The following SLC7A14 variants were observed in gnomAD, a reference collection of about 807,000 sequenced individuals.
SLC7A14 encodes the protein gamma-aminobutyric acid transporter SLC7A14.
SLC7A14 carries 37 observed loss-of-function variants against 60.2 expected under a neutral mutation model. The ratio of observed to expected loss-of-function variants is 0.61; its 90% CI spans 0.47 to 0.81. SLC7A14 has a LOEUF of 0.81. Among genes scored for constraint, SLC7A14 ranks in the 30% least tolerant of loss-of-function variants. The probability of loss-of-function intolerance (pLI) is 0.00; values close to 1 mark genes in which losing one functional copy is unlikely to be tolerated. For synonymous variants in SLC7A14, 399 were observed against 395.8 expected (o/e 1.01, Z -0.10); for missense variants, 886 against 982.7 (o/e 0.90, Z 1.32).
chr3:170,532,107 C>T lies in SLC7A14; in HGVS notation c.-152-5019G>A, dbSNP rs1443214814. ...GGGACTACAAAAATCCCTCATGACA[C>T]ACTCGATGAGTAGTTGTCCAGCTTT... On this transcript the variant is annotated intron_variant, in intron 1 of 7. Transcript: ENST00000231706. The surrounding 1 kb of genome is among the most constrained non-coding windows in gnomAD (Gnocchi z 4.0). Among the ~76,000 whole-genome samples the T allele has an allele frequency of 1.3e-5, 2 of 152,194 alleles. No homozygotes were observed. The highest frequency in any genetic ancestry group is 2.9e-5 in the Non-Finnish European group (2 of 68,028).
At chr3:170,514,618 G>C (rs1186838753) in intron 2 of SLC7A14, among the ~76,000 whole-genome samples, 2 of 152,198 alleles carry the variant, frequency 1.3e-5, no homozygotes, top group East Asian at 3.8e-4. Flanking sequence ...GTAGAGAAGA[G>C]AATTCTTCTT....
chr3:170,503,739 T>C (rs188078926), intron 2 of SLC7A14, among the ~76,000 whole-genome samples: 1 of 152,306 alleles, frequency 6.6e-6, no homozygotes, highest in East Asian at 1.9e-4. Flanking sequence ...TCAAACATTC[T>C]CTCCATAACA....
At chr3:170,495,784 A>T in intron 4 of SLC7A14, 2 of 1,147,210 alleles carry the variant, frequency 1.7e-6, no homozygotes, top group South Asian at 2.4e-5. Context: ...CTGCAGCAGT[A>T]GAACAAGATG....
intron 1 of SLC7A14, among the ~76,000 whole-genome samples, chr3:170,582,152 C>A (rs1490552163): frequency 6.6e-6 from 1 of 152,170 alleles, no homozygotes; most frequent in Non-Finnish European, 1.5e-5. Context: ...TCCTAGGTAT[C>A]TTTGGGCTAC....
intron 4 of SLC7A14, among the ~76,000 whole-genome samples, chr3:170,496,885 A>T (rs967085684): frequency 6.6e-6 from 1 of 152,112 alleles, no homozygotes; most frequent in Non-Finnish European, 1.5e-5. Flanking sequence ...GCCCAAGTGA[A>T]GAGCTGCGGC....
chr3:170,565,122 G>A (rs1308607598), intron 1 of SLC7A14, among the ~76,000 whole-genome samples: 1 of 152,144 alleles, frequency 6.6e-6, no homozygotes, highest in Admixed American at 6.5e-5. Context: ...TCACAAGAAA[G>A]AGAACCAAGT....
chr3:170,528,140 C>A (rs1713566041), intron 1 of SLC7A14, among the ~76,000 whole-genome samples: 1 of 152,056 alleles, frequency 6.6e-6, no homozygotes, highest in Admixed American at 6.6e-5. Context: ...TTTGGATATG[C>A]CTGGGTATTT....
At chr3:170,506,626 T>C (rs1424062625) in intron 2 of SLC7A14, among the ~76,000 whole-genome samples, 1 of 152,230 alleles carries the variant, frequency 6.6e-6, no homozygotes, top group Admixed American at 6.5e-5. Flanking sequence ...TTAGGTTTAG[T>C]TCTTTCAGAC....
chr3:170,491,619 G>T (rs1293993208), intron 4 of SLC7A14, among the ~76,000 whole-genome samples: 1 of 152,140 alleles, frequency 6.6e-6, no homozygotes, highest in Non-Finnish European at 1.5e-5. Flanking sequence ...AGTGTAGGGG[G>T]TGGAATGGTG....
intron 2 of SLC7A14, among the ~76,000 whole-genome samples, chr3:170,520,570 T>C (rs545192163): frequency 3.3e-5 from 5 of 152,356 alleles, no homozygotes; most frequent in Admixed American, 6.5e-5. Context: ...ATTAGATTTT[T>C]GCCAAACATT....
chr3:170,578,885 G>A (rs935547411), intron 1 of SLC7A14, among the ~76,000 whole-genome samples: 2 of 152,188 alleles, frequency 1.3e-5, no homozygotes, highest in South Asian at 2.1e-4. Context: ...AGTAAGAAGA[G>A]TTAAATCCTT....
chr3:170,567,789 T>G (rs1714835796), intron 1 of SLC7A14, among the ~76,000 whole-genome samples: 1 of 152,128 alleles, frequency 6.6e-6, no homozygotes, highest in African/African-American at 2.4e-5. Context: ...ATGTGTTTTT[T>G]GGCTGCATAA....
chr3:170,585,747 A>G lies in SLC7A14; in HGVS notation c.-153+164T>C, dbSNP rs905786464. ...GTTCTTCCAGGGAACCCCTTCTCGG[A>G]GGGCGCCCTGGGCCTCCGCGCCATA... On this transcript the variant is annotated intron_variant, in intron 1 of 7. Transcript: ENST00000231706. This position sits in a 1 kb window ranked among gnomAD's most constrained non-coding sequence, Gnocchi z 5.1. Among the ~76,000 whole-genome samples the G allele has an allele frequency of 4.5e-4, 64 of 141,438 alleles. No homozygotes were observed. Among genetic ancestry groups the G allele is most frequent in the African/African-American group, 1.6e-3 (62 of 38,110 alleles). 92.8% of individuals were successfully genotyped at this position (141,438 alleles called of 152,430 possible).
chr3:170,568,977 C>T (rs1160929554), intron 1 of SLC7A14, among the ~76,000 whole-genome samples: 3 of 152,196 alleles, frequency 2.0e-5, no homozygotes, highest in Non-Finnish European at 4.4e-5. Flanking sequence ...TTGACTTCCT[C>T]GTTTCCTAAT....
At chr3:170,514,089 C>T (rs945220786) in intron 2 of SLC7A14, among the ~76,000 whole-genome samples, 2 of 152,258 alleles carry the variant, frequency 1.3e-5, no homozygotes, top group Admixed American at 6.5e-5. Flanking sequence ...GTGATCTCAC[C>T]TCCTTGCCAG....
intron 1 of SLC7A14, among the ~76,000 whole-genome samples, chr3:170,561,870 G>A (rs1714663981): frequency 6.6e-6 from 1 of 151,992 alleles, no homozygotes; most frequent in Non-Finnish European, 1.5e-5. Flanking sequence ...ATATACAAGT[G>A]GCCAACAAAC....
rs999898353 is a variant in SLC7A14, at chr3:170,572,975, C to T, written c.-153+12936G>A. Among the ~76,000 whole-genome samples, 3 of 152,232 alleles carry T rather than the reference C, an allele frequency of 2.0e-5. No individual in the cohort carries two copies. The East Asian group carries it at 5.8e-4, about 29-fold the overall frequency. On this transcript the variant is annotated intron_variant, in intron 1 of 7. Coordinates refer to ENST00000231706, the MANE Select transcript of SLC7A14 (RefSeq NM_020949.3). Reference sequence around the variant, plus strand: ...GCCTCTTTTAGAGGTAGCAATGTTGCGTGATTTTTAAAAAAAACCTCTTGG... The same window carrying T: ...GCCTCTTTTAGAGGTAGCAATGTTGTGTGATTTTTAAAAAAAACCTCTTGG...
intron 2 of SLC7A14, among the ~76,000 whole-genome samples, chr3:170,521,666 T>C (rs1713342134): frequency 6.6e-6 from 1 of 152,232 alleles, no homozygotes; most frequent in African/African-American, 2.4e-5. Context: ...CTCATGCCTG[T>C]AAGCCCAGCA....
At chr3:170,510,033 G>A (rs1364568778) in intron 2 of SLC7A14, among the ~76,000 whole-genome samples, 3 of 147,800 alleles carry the variant, frequency 2.0e-5, no homozygotes, top group East Asian at 2.0e-4. Context: ...AGCCAAGATC[G>A]CGCCACTGCT....
Sources: gnomAD v4.1 joint callset for allele counts (sites outside exome capture counted in the v4.1 genomes callset) on GRCh38, gnomAD v4.1.1 for gene constraint, Gnocchi (gnomAD v3.1) non-coding constraint, MANE v1.5 for transcripts, NCBI Gene and HGNC (gene_info 2026-07-23, HGNC 2026-07-21) for gene names.